The following SMIM23 variants were observed in gnomAD, a reference collection of about 807,000 sequenced individuals.
SMIM23 encodes the protein CTB-78H18.1.
Under a neutral mutation model 12.8 loss-of-function variants are expected in SMIM23, and 10 were observed. The observed-to-expected ratio is 0.78, with a 90% CI of 0.48 to 1.32. The LOEUF is 1.32. SMIM23 is among the 40% of genes most tolerant of loss of function. The probability of loss-of-function intolerance (pLI) is 0.00; values close to 1 mark genes in which losing one functional copy is unlikely to be tolerated. For synonymous variants in SMIM23, 78 were observed against 80.1 expected, an observed-to-expected ratio of 0.97 and a Z score of 0.14; for missense variants, 184 against 198.2, an observed-to-expected ratio of 0.93 and a Z score of 0.43.
chr5:171,786,597 TAAG>T (rs1180691835), intron 1 of SMIM23, among the ~76,000 whole-genome samples: 4 of 152,192 alleles, frequency 2.6e-5, no homozygotes, highest in Admixed American at 6.5e-5. Context: ...ATTCTGAGGA[TAAG>T]AAGAAGCTGT....
the SMIM23 span, among the ~76,000 whole-genome samples, chr5:171,775,799 T>C: frequency 6.6e-6 from 1 of 152,228 alleles, no homozygotes; most frequent in Non-Finnish European, 1.5e-5. Context: ...CACGTTATCA[T>C]CGCCATGCGT....
chr5:171,777,076 G>A, the SMIM23 span, among the ~76,000 whole-genome samples: 1 of 147,098 alleles, frequency 6.8e-6, no homozygotes, highest in Non-Finnish European at 1.5e-5. Flanking sequence ...TTTCCTTCTT[G>A]GCCTCAGAGC....
upstream of SMIM23, among the ~76,000 whole-genome samples, chr5:171,777,836 G>A (rs1296593739): frequency 6.6e-6 from 1 of 152,112 alleles, no homozygotes; most frequent in African/African-American, 2.4e-5. Flanking sequence ...GGGTGACACA[G>A]CCTTGTCTCC....
chr5:171,776,120 C>T, the SMIM23 span, among the ~76,000 whole-genome samples: 1 of 152,236 alleles, frequency 6.6e-6, no homozygotes, highest in African/African-American at 2.4e-5. Context: ...ATCCACCCGC[C>T]TTGGCCTCCC....
chr5:171,780,700 A>G (rs906372328), upstream of SMIM23, among the ~76,000 whole-genome samples: 3 of 152,296 alleles, frequency 2.0e-5, no homozygotes, highest in African/African-American at 7.2e-5. Context: ...CAGCAACTGC[A>G]TGGGTGCCTG....
At chr5:171,774,055 T>C in the SMIM23 span, 8 of 357,158 alleles carry the variant, frequency 2.2e-5, no homozygotes, top group Non-Finnish European at 3.8e-5. Flanking sequence ...TGTGTCTGAT[T>C]TCTTGTCTGA....
the SMIM23 span, among the ~76,000 whole-genome samples, chr5:171,776,964 A>T: frequency 1.3e-5 from 2 of 152,116 alleles, no homozygotes; most frequent in Non-Finnish European, 2.9e-5. Context: ...ATTTGTCTGC[A>T]GACATTCTAG....
chr5:171,774,820 C>G, the SMIM23 span: 1 of 355,480 alleles, frequency 2.8e-6, no homozygotes, highest in Non-Finnish European at 5.6e-6. Flanking sequence ...GGCTCAAGGT[C>G]TGTGGGAGCC....
rs565297274 is a variant in SMIM23 at position 171,789,125 on chromosome 5, G to A, written c.106-1105G>A. On this transcript the variant is annotated intron_variant, in intron 1 of 3. Coordinates refer to ENST00000523047, the MANE Select transcript of SMIM23 (RefSeq NM_001289970.2). ...GTTAGGATTACAGGCGTGCGCCACC[G>A]CGCCTGGCCTAGAAACAATTTTAAA... Among the ~76,000 whole-genome samples the A allele has an allele frequency of 1.2e-4, 18 of 152,352 alleles. No homozygotes were observed. In the South Asian group the frequency reaches 1.7e-3, roughly 14 times the overall value.
chr5:171,790,250 C>A lies in SMIM23; in HGVS notation c.126C>A (p.Ile42=), dbSNP rs781559722. Residue 42 remains isoleucine, a synonymous_variant, in exon 2 of 4, where the codon ATC becomes ATA. Coordinates refer to ENST00000523047, the MANE Select transcript of SMIM23 (RefSeq NM_001289970.2). ...DEKQTLLALL[I]LVLYLSTEIW... is the part of the protein sequence containing the mutation. ...CCTAGACGCTGTTGGCATTGCTGATCTTGGTGCTGTACTTGAGCACAGAGA... is the reference window on the plus strand; with the variant it reads ...CCTAGACGCTGTTGGCATTGCTGATATTGGTGCTGTACTTGAGCACAGAGA... The A allele has an allele frequency of 3.9e-6, 6 of 1,536,138 alleles. No individual in the cohort carries two copies. Among genetic ancestry groups the A allele is most frequent in the Non-Finnish European group, 5.2e-6 (6 of 1,146,928 alleles).
At chr5:171,773,698 A>G in the SMIM23 span, 1 of 440,286 alleles carries the variant, frequency 2.3e-6, no homozygotes, top group Non-Finnish European at 4.5e-6. Flanking sequence ...AGCCAGCAAG[A>G]GCAGCCAGGC....
At chr5:171,784,722 A>T (rs1433016607), upstream of SMIM23, among the ~76,000 whole-genome samples, 2 of 152,216 alleles carry the variant, frequency 1.3e-5, no homozygotes, top group East Asian at 3.9e-4. Context: ...ACCCAAAAAC[A>T]TGTACAAGCA....
chr5:171,773,014 C>CT, the SMIM23 span, among the ~76,000 whole-genome samples: 1 of 151,406 alleles, frequency 6.6e-6, no homozygotes, highest in Non-Finnish European at 1.5e-5. Context: ...TTTGGTTTGC[C>CT]TTCAAGGACA....
intron 1 of SMIM23, among the ~76,000 whole-genome samples, chr5:171,786,670 C>T (rs1172398221): frequency 1.3e-5 from 2 of 152,148 alleles, no homozygotes; most frequent in Middle Eastern, 3.2e-3. Flanking sequence ...TTTCAAAAGA[C>T]TTGTTCACTC....
chr5:171,774,157 T>C, the SMIM23 span, among the ~76,000 whole-genome samples: 1 of 152,176 alleles, frequency 6.6e-6, no homozygotes, highest in Non-Finnish European at 1.5e-5. Context: ...AAGATTTTGG[T>C]GACATTAGCT....
intron 1 of SMIM23, among the ~76,000 whole-genome samples, chr5:171,788,584 T>A (rs1335287755): frequency 1.3e-5 from 2 of 152,182 alleles, no homozygotes; most frequent in African/African-American, 4.8e-5. Flanking sequence ...AGGAACAATT[T>A]GATGCCAATA....
the SMIM23 span, among the ~76,000 whole-genome samples, chr5:171,776,551 G>A: frequency 2.6e-5 from 4 of 152,224 alleles, no homozygotes; most frequent in Admixed American, 6.5e-5. Context: ...AAAGGGTCTC[G>A]AATGGCATGG....
At chr5:171,790,628 A>G (rs953288998) in intron 3 of SMIM23, 79 bp downstream of exon 3, 2 of 1,431,422 alleles carry the variant, frequency 1.4e-6, no homozygotes, top group Non-Finnish European at 1.9e-6. Flanking sequence ...AACATGGGTC[A>G]TGAAAGATAA....
Position 171,790,874 on chromosome 5 carries a change from T to G in SMIM23, c.305T>G (p.Val102Gly). ...AACTGGCTGAAGGAGAAGTTGCATG[T>G]CTTCTCGGAGAAGTTAGAGGAAGAG... ...IRNWLKEKLHVFSEKLEEEVQ... is the reference protein window; with the variant it reads ...IRNWLKEKLHGFSEKLEEEVQ... The change falls in exon 4 of 4, where the codon GTC becomes GGC. Residue 102 changes from valine to glycine, a missense_variant. Coordinates refer to ENST00000523047, the MANE Select transcript of SMIM23 (RefSeq NM_001289970.2). 1 of 1,536,086 alleles carries G rather than the reference T, an allele frequency of 6.5e-7. No homozygotes were observed. The highest frequency in any genetic ancestry group is 8.7e-7 in the Non-Finnish European group (1 of 1,146,908).
Sources: gnomAD v4.1 joint callset for allele counts (sites outside exome capture counted in the v4.1 genomes callset) on GRCh38, gnomAD v4.1.1 for gene constraint, MANE v1.5 for transcripts, NCBI Gene and HGNC (gene_info 2026-07-23, HGNC 2026-07-21) for gene names.